The following FMNL3 variants were observed in gnomAD, a reference collection of about 807,000 sequenced individuals.
FMNL3 encodes the protein formin like 3.
In FMNL3, 57 loss-of-function variants were observed where a neutral mutation model predicts 119.6. The ratio of observed to expected loss-of-function variants is 0.48; its 90% CI spans 0.39 to 0.59. The LOEUF (loss-of-function observed/expected upper bound fraction) is 0.59, where lower values mean the gene tolerates loss of function less well. Among genes scored for constraint, FMNL3 ranks in the 20% least tolerant of loss-of-function variants. The pLI, the probability that FMNL3 is intolerant of heterozygous loss-of-function variation, is 0.00. For missense variants in FMNL3, 1,053 were observed against 1,323.5 expected, an observed-to-expected ratio of 0.80 and a Z score of 3.17; for synonymous variants, 491 against 507.3, an observed-to-expected ratio of 0.97 and a Z score of 0.43.
chr12:49,655,096 C>T, intron 9 of FMNL3, 112 bp from the exon 10 acceptor site: 1 of 936,040 alleles, frequency 1.1e-6, no homozygotes, highest in Non-Finnish European at 1.6e-6. Flanking sequence ...CCAAGCTTAA[C>T]CACAGCTCTA....
chr12:49,672,319 G>A (rs754442401), intron 1 of FMNL3, among the ~76,000 whole-genome samples: 1 of 152,082 alleles, frequency 6.6e-6, no homozygotes, highest in Non-Finnish European at 1.5e-5. Context: ...AGACTCCAAG[G>A]AAGAAGTAAG....
At position 49,639,408 on chromosome 12, in the gene FMNL3, G is replaced by A. The variant is rs1430417416; in HGVS notation, c.*6407C>T. 5 of 152,340 alleles carry A rather than the reference G, an allele frequency of 3.3e-5. No homozygotes were observed. Among genetic ancestry groups the A allele is most frequent in the Admixed American group, 1.3e-4 (2 of 15,282 alleles). 9.4% of individuals were successfully genotyped at this position (152,340 alleles called of 1,614,324 possible). On this transcript the variant is annotated 3_prime_UTR_variant, in exon 26 of 26. Transcript: ENST00000335154. ...GGGTTAGAGGGATGGAAGAGGGTGA[G>A]CAGGGAGAAAAGTCAGTAGGCTGTG...
chr12:49,639,024 C>G lies in FMNL3; in HGVS notation c.*6791G>C, dbSNP rs887606331. The G allele has an allele frequency of 1.3e-5, 2 of 152,202 alleles. No homozygotes were observed. The allele number at this position is 152,202 out of a possible 1,614,324, so 9.4% of individuals were successfully genotyped here. ...TTACCATTAGGTAAGATGTATCATACTGTCCTGAGGTATCCTCTCTTTCTC... is the reference window on the plus strand; with the variant it reads ...TTACCATTAGGTAAGATGTATCATAGTGTCCTGAGGTATCCTCTCTTTCTC... On this transcript the variant is annotated 3_prime_UTR_variant, in exon 26 of 26. Transcript: ENST00000335154.
chr12:49,672,194 C>T (rs893802398), intron 1 of FMNL3, among the ~76,000 whole-genome samples: 18 of 152,186 alleles, frequency 1.2e-4, no homozygotes, highest in African/African-American at 4.1e-4. Flanking sequence ...AATTGCTTCG[C>T]AACACTCTGA....
chr12:49,664,927 C>T (rs1943845785), intron 4 of FMNL3, among the ~76,000 whole-genome samples: 2 of 152,056 alleles, frequency 1.3e-5, no homozygotes, highest in Non-Finnish European at 2.9e-5. Flanking sequence ...CTGGGCACCC[C>T]ACCCCCACCT....
chr12:49,656,342 C>T, intron 9 of FMNL3, 62 bp downstream of exon 9: 1 of 1,380,064 alleles, frequency 7.2e-7, no homozygotes, highest in South Asian at 1.3e-5. Flanking sequence ...TGCTTACCAA[C>T]CTAGCTCCCT....
chr12:49,706,720 G>A (rs1347378821), intron 1 of FMNL3, among the ~76,000 whole-genome samples: 1 of 152,230 alleles, frequency 6.6e-6, no homozygotes, highest in Non-Finnish European at 1.5e-5. Context: ...GAGAATGCTA[G>A]GGACGGGGAG....
chr12:49,675,086 C>T (rs1429385660), intron 1 of FMNL3, among the ~76,000 whole-genome samples: 2 of 152,210 alleles, frequency 1.3e-5, no homozygotes, highest in Admixed American at 6.5e-5. Context: ...GCCTCAAACT[C>T]TTTCCTCTGC....
Position 49,653,247 on chromosome 12 carries a change from C to T in FMNL3, c.1302G>A (p.Glu434=), listed in dbSNP as rs755154155. The T allele has an allele frequency of 3.4e-5, 55 of 1,614,042 alleles. No individual in the cohort carries two copies. Among genetic ancestry groups the T allele is most frequent in the Non-Finnish European group, 4.5e-5 (53 of 1,180,042 alleles). The part of the protein sequence containing the change: ...AELEKQLLQR[E]KELESIKETY... ...GTACCTTGATGCTCTCTAGTTCCTT[C>T]TCCCGCTGTAGCAGCTGCTTCTCTA... Residue 434 remains glutamate, a synonymous_variant, in exon 13 of 26, where the codon GAG becomes GAA. Transcript: ENST00000335154.
At chr12:49,678,302 C>T (rs907093514) in intron 1 of FMNL3, among the ~76,000 whole-genome samples, 2 of 150,876 alleles carry the variant, frequency 1.3e-5, no homozygotes, top group Admixed American at 6.6e-5. Flanking sequence ...GGACTACAGG[C>T]GCGCACCACC....
At chr12:49,654,364 G>A (rs901148011) in intron 10 of FMNL3, 62 bp from the exon 11 acceptor site, 2 of 1,389,156 alleles carry the variant, frequency 1.4e-6, no homozygotes, top group Non-Finnish European at 2.0e-6. Context: ...CAAGAGACCA[G>A]GAGGATAGGC....
At chr12:49,699,781 C>T (rs941940006) in intron 1 of FMNL3, among the ~76,000 whole-genome samples, 6 of 152,160 alleles carry the variant, frequency 3.9e-5, no homozygotes, top group Non-Finnish European at 8.8e-5. Context: ...ATGGCCAAAA[C>T]ACTTAAAATG....
chr12:49,658,744 G>A (rs1212899504), intron 5 of FMNL3, 150 bp from the exon 6 acceptor site: 1 of 933,144 alleles, frequency 1.1e-6, no homozygotes. Flanking sequence ...GAACTGGGGA[G>A]CAGAGACCTG....
chr12:49,703,257 T>C (rs945409712), intron 1 of FMNL3, among the ~76,000 whole-genome samples: 1 of 152,158 alleles, frequency 6.6e-6, no homozygotes. Flanking sequence ...CCCCTCTCTA[T>C]GGAAAGTCCA....
chr12:49,693,235 A>C (rs1243678089), intron 1 of FMNL3, among the ~76,000 whole-genome samples: 1 of 152,172 alleles, frequency 6.6e-6, no homozygotes. Flanking sequence ...ATAAGAGAGG[A>C]AAATGGAAAG....
At chr12:49,658,248 T>C (rs1021135983) in intron 6 of FMNL3, among the ~76,000 whole-genome samples, 194 bp downstream of exon 6, 2 of 151,900 alleles carry the variant, frequency 1.3e-5, no homozygotes, top group African/African-American at 2.4e-5. Context: ...ACCATGTACT[T>C]ACCCAGGACA....
intron 1 of FMNL3, among the ~76,000 whole-genome samples, chr12:49,686,509 C>T (rs953786241): frequency 7.0e-5 from 10 of 141,966 alleles, no homozygotes; most frequent in Non-Finnish European, 1.1e-4. Context: ...ACTCGGGAGG[C>T]GGAGCTTGCA....
chr12:49,637,753 T>A lies in FMNL3; in HGVS notation c.*8062A>T. On this transcript the variant is annotated 3_prime_UTR_variant, in exon 26 of 26. Transcript: ENST00000335154. ...TACAGGCTCCACCCCTCTGGACTTA[T>A]TCAAGTTCTATGTGGAGGAGTTGAA... 1.2e-6 allele frequency: 2 copies of A among 1,609,072 alleles called. No homozygotes were observed. Among genetic ancestry groups the A allele is most frequent in the South Asian group, 1.1e-5 (1 of 90,790 alleles).
chr12:49,704,759 T>C (rs1945002684), intron 1 of FMNL3, among the ~76,000 whole-genome samples: 1 of 150,430 alleles, frequency 6.6e-6, no homozygotes, highest in African/African-American at 2.5e-5. Flanking sequence ...TAATCTATAT[T>C]GAGTACTTAC....
Sources: allele counts gnomAD v4.1 joint callset (sites outside exome capture counted in the v4.1 genomes callset), GRCh38; gene constraint gnomAD v4.1.1; transcripts MANE v1.5; gene names NCBI Gene and HGNC (gene_info 2026-07-23, HGNC 2026-07-21).